The following LDB2 variants were observed in gnomAD, a reference collection of about 807,000 sequenced individuals.
LDB2 encodes LIM domain binding 2, also known as LIM domain-binding protein 2.
In LDB2, 12 loss-of-function variants were observed where a neutral mutation model predicts 44.3. That is an observed-to-expected ratio of 0.27 (90% CI 0.17 to 0.44). LDB2 has a LOEUF of 0.44. Among genes scored for constraint, LDB2 ranks in the 20% least tolerant of loss-of-function variants. The pLI, the probability that LDB2 is intolerant of heterozygous loss-of-function variation, is 1.00. For missense variants in LDB2, 344 were observed against 473.5 expected (o/e 0.73, Z 2.54); for synonymous variants, 164 against 174.8 (o/e 0.94, Z 0.49).
intron 1 of LDB2, among the ~76,000 whole-genome samples, chr4:16,895,793 C>T (rs1284333981): frequency 6.6e-6 from 1 of 152,094 alleles, no homozygotes. Context: ...ACCAATCCCT[C>T]TCCAGAACTC....
rs548737414 is a variant in LDB2, at chr4:16,795,432, C to T, written c.133-36172G>A. On this transcript the variant is annotated intron_variant, in intron 1 of 7. Transcript: ENST00000304523. The stretch of plus-strand genomic sequence containing the variant: ...GAGCAAGCCCTTCCTAACATTTGTC[C>T]TGAGGTGTCTTGCTGGTCTCCCTCT... Among the ~76,000 whole-genome samples, 4 of 152,266 alleles carry T rather than the reference C, an allele frequency of 2.6e-5. No individual in the cohort carries two copies. The East Asian group carries it at 7.7e-4, about 29-fold the overall frequency.
At chr4:16,848,816 C>T (rs987613433) in intron 1 of LDB2, among the ~76,000 whole-genome samples, 13 of 152,098 alleles carry the variant, frequency 8.5e-5, no homozygotes, top group Admixed American at 3.3e-4. Flanking sequence ...TCCCCATCCC[C>T]ACGGCCACCA....
chr4:16,559,748 A>G (rs1741324392), intron 5 of LDB2, among the ~76,000 whole-genome samples: 1 of 152,108 alleles, frequency 6.6e-6, no homozygotes, highest in Admixed American at 6.5e-5. Context: ...TCCACCCCAA[A>G]TCAACAGAAT....
intron 2 of LDB2, among the ~76,000 whole-genome samples, chr4:16,732,751 G>A (rs777346422): frequency 5.3e-5 from 8 of 152,168 alleles, no homozygotes; most frequent in Non-Finnish European, 1.2e-4. Context: ...CTGAAGGATC[G>A]GCTGTTAGGG....
intron 1 of LDB2, among the ~76,000 whole-genome samples, chr4:16,842,466 A>T (rs1053133276): frequency 6.6e-6 from 1 of 152,242 alleles, no homozygotes; most frequent in Non-Finnish European, 1.5e-5. Flanking sequence ...TATTTAAAAT[A>T]TATAAACTAG....
In LDB2 at chr4:16,611,236, A is replaced by G. The variant is rs566636357; in HGVS notation, c.236-15361T>C. Among the ~76,000 whole-genome samples the G allele has an allele frequency of 3.9e-5, 6 of 152,310 alleles. No homozygotes were observed. The South Asian group carries it at 1.2e-3, about 32-fold the overall frequency. ...AGAAGCACTAAATATGGAAAGGAAA[A>G]ACCAGTACCAGCCACTGCGAAAACA... On this transcript the variant is annotated intron_variant, in intron 2 of 7. Coordinates refer to ENST00000304523, the MANE Select transcript of LDB2 (RefSeq NM_001290.5).
chr4:16,578,196 G>A (rs1357964790), intron 5 of LDB2, among the ~76,000 whole-genome samples: 1 of 151,964 alleles, frequency 6.6e-6, no homozygotes, highest in Non-Finnish European at 1.5e-5. Context: ...CCCCAAAAAT[G>A]GACAAAAGAG....
At position 16,512,102 on chromosome 4, in the gene LDB2, C is replaced by A. The variant is rs768371945; in HGVS notation, c.618G>T (p.Leu206Phe). 1 of 1,607,032 alleles carries A rather than the reference C, an allele frequency of 6.2e-7. No homozygotes were observed. Among genetic ancestry groups the A allele is most frequent in the Non-Finnish European group, 8.5e-7 (1 of 1,175,846 alleles). Reference protein sequence around the residue: ...LTNFTLNYLRLCVILEPMQEL... With the variant: ...LTNFTLNYLRFCVILEPMQEL... Reference sequence around the variant, plus strand: ...CCTGCATTGGCTCCAATATTACACACAACTGCAAGAAGTTCAAAGACATTG... The same window carrying A: ...CCTGCATTGGCTCCAATATTACACAAAACTGCAAGAAGTTCAAAGACATTG... The change falls in exon 6 of 8, where the codon TTG (leucine) becomes TTT (phenylalanine). Residue 206 changes from leucine (L) to phenylalanine (F), a missense_variant and splice_region_variant. Leu to Phe is a conservative substitution (Grantham distance 22). Coordinates refer to ENST00000304523, the MANE Select transcript of LDB2 (RefSeq NM_001290.5).
intron 5 of LDB2, among the ~76,000 whole-genome samples, chr4:16,571,361 G>A (rs1279537128): frequency 6.6e-6 from 1 of 152,110 alleles, no homozygotes. Flanking sequence ...GAGTTATCGT[G>A]GAATGAGTCC....
At chr4:16,546,309 A>G (rs2152336814) in intron 5 of LDB2, among the ~76,000 whole-genome samples, 1 of 152,386 alleles carries the variant, frequency 6.6e-6, no homozygotes, top group South Asian at 2.1e-4. Context: ...AATTAAAACA[A>G]CTTCTGGACG....
intron 2 of LDB2, among the ~76,000 whole-genome samples, chr4:16,685,698 G>A (rs954854766): frequency 7.9e-5 from 12 of 152,132 alleles, no homozygotes; most frequent in Non-Finnish European, 1.3e-4. Context: ...AACATCACAA[G>A]CAAAGCTGCC....
chr4:16,806,751 A>G (rs1778864499), intron 1 of LDB2, among the ~76,000 whole-genome samples: 1 of 152,152 alleles, frequency 6.6e-6, no homozygotes, highest in African/African-American at 2.4e-5. Context: ...TGTTGCATGC[A>G]ACTTAGGAGT....
chr4:16,843,673 G>A (rs566741186), intron 1 of LDB2, among the ~76,000 whole-genome samples: 2 of 152,170 alleles, frequency 1.3e-5, no homozygotes, highest in South Asian at 4.2e-4. Flanking sequence ...CCAGGCTGGG[G>A]TGCAATGGCA....
intron 5 of LDB2, among the ~76,000 whole-genome samples, chr4:16,578,278 T>A (rs1712662378): frequency 1.3e-5 from 2 of 151,650 alleles, no homozygotes; most frequent in African/African-American, 4.8e-5. Flanking sequence ...ATCCACAGAG[T>A]GGGAGAAAAT....
intron 5 of LDB2, among the ~76,000 whole-genome samples, chr4:16,565,630 A>G (rs1220467559): frequency 6.6e-6 from 1 of 152,014 alleles, no homozygotes; most frequent in East Asian, 1.9e-4. Context: ...TTCTGATGGT[A>G]CTAGCCAATA....
chr4:16,569,049 T>C (rs1745506735), intron 5 of LDB2, among the ~76,000 whole-genome samples: 1 of 152,238 alleles, frequency 6.6e-6, no homozygotes, highest in South Asian at 2.1e-4. Flanking sequence ...TTAATCAACA[T>C]CATGTAGACC....
chr4:16,785,801 C>A (rs973721834), intron 1 of LDB2, among the ~76,000 whole-genome samples: 1 of 152,138 alleles, frequency 6.6e-6, no homozygotes, highest in Non-Finnish European at 1.5e-5. Context: ...TCTACCACTT[C>A]TCAAGAAATT....
chr4:16,557,537 C>A (rs1462875328), intron 5 of LDB2, among the ~76,000 whole-genome samples: 4 of 152,214 alleles, frequency 2.6e-5, no homozygotes, highest in Non-Finnish European at 4.4e-5. Flanking sequence ...CCCAGGCTTG[C>A]TTAGGTAAAC....
chr4:16,839,396 C>T (rs1785457444), intron 1 of LDB2, among the ~76,000 whole-genome samples: 1 of 152,142 alleles, frequency 6.6e-6, no homozygotes, highest in Non-Finnish European at 1.5e-5. Context: ...TGGGAACTAA[C>T]AGATTGACAA....
Sources: allele counts gnomAD v4.1 joint callset (sites outside exome capture counted in the v4.1 genomes callset), GRCh38; gene constraint gnomAD v4.1.1; transcripts MANE v1.5; gene names NCBI Gene and HGNC (gene_info 2026-07-23, HGNC 2026-07-21).